The following ANXA6 variants were observed in gnomAD, a reference collection of about 807,000 sequenced individuals.
ANXA6 encodes the protein 67 kDa calelectrin.
A neutral mutation model predicts 95.4 loss-of-function variants in ANXA6; 71 were observed. The ratio of observed to expected loss-of-function variants is 0.74; its 90% CI spans 0.61 to 0.91. The LOEUF (loss-of-function observed/expected upper bound fraction) is 0.91, where lower values mean the gene tolerates loss of function less well. Among genes scored for constraint, ANXA6 ranks in the 40% least tolerant of loss-of-function variants. The pLI is 0.00. For missense variants in ANXA6, 830 were observed against 876.4 expected (o/e 0.95, Z 0.67); for synonymous variants, 289 against 315.9 (o/e 0.91, Z 0.90).
Position 151,132,564 on chromosome 5 carries a change from A to G in ANXA6, c.648T>C (p.Asp216=), listed in dbSNP as rs909489111. 3.1e-6 allele frequency: 5 copies of G among 1,612,728 alleles called. No homozygotes were observed. The highest frequency in any genetic ancestry group is 4.2e-6 in the Non-Finnish European group (5 of 1,179,476). ...RSKQHLRLVF[D]EYLKTTGKPI... ...GCTTCCCTGTGGTCTTCAGATACTC[A>G]TCGAACACTGCGTCAGACAGAGAGA... is the stretch of plus-strand genomic sequence containing the variant. The change falls in exon 10 of 26, where the codon GAT becomes GAC. Residue 216 remains aspartate (D), a synonymous_variant. Transcript: ENST00000354546.
At chr5:151,138,965 C>A in intron 4 of ANXA6, 174 bp from the exon 5 acceptor site, 1 of 622,818 alleles carries the variant, frequency 1.6e-6, no homozygotes, top group Non-Finnish European at 2.9e-6. Context: ...GGCTCAGAAA[C>A]AACAGAGGTC....
intron 1 of ANXA6, among the ~76,000 whole-genome samples, chr5:151,153,945 C>T (rs543746422): frequency 2.6e-5 from 4 of 152,222 alleles, no homozygotes; most frequent in Non-Finnish European, 2.9e-5. Context: ...TCCTGCACCC[C>T]CTCCCATAGG....
intron 20 of ANXA6, among the ~76,000 whole-genome samples, chr5:151,115,044 G>GA (rs1352214255): frequency 6.6e-6 from 1 of 152,216 alleles, no homozygotes; most frequent in Admixed American, 6.5e-5. Context: ...TCATGAATGT[G>GA]ATAAAAGAGT....
chr5:151,129,673 G>T, intron 11 of ANXA6, 144 bp from the exon 12 acceptor site: 1 of 916,302 alleles, frequency 1.1e-6, no homozygotes, highest in Non-Finnish European at 1.6e-6. Flanking sequence ...TCCCATTGAA[G>T]CTCTCTCTAT....
chr5:151,136,213 G>T (rs755570894), intron 7 of ANXA6, 43 bp downstream of exon 7: 1 of 1,596,168 alleles, frequency 6.3e-7, no homozygotes, highest in Non-Finnish European at 8.6e-7. Flanking sequence ...CCAGACAAAA[G>T]CTATCCCAAG....
At chr5:151,136,501 C>T (rs941803198) in intron 6 of ANXA6, among the ~76,000 whole-genome samples, 166 bp from the exon 7 acceptor site, 5 of 152,216 alleles carry the variant, frequency 3.3e-5, no homozygotes, top group African/African-American at 1.2e-4. Flanking sequence ...GCTCTTCGTA[C>T]TGACCATGAT....
At chr5:151,104,919 G>A (rs981807848) in intron 24 of ANXA6, among the ~76,000 whole-genome samples, 10 of 152,222 alleles carry the variant, frequency 6.6e-5, no homozygotes, top group Middle Eastern at 3.2e-3. Context: ...TCTTTGTTGC[G>A]CAAGCTTATC....
In ANXA6 at chr5:151,109,781, A is replaced by G; in HGVS notation, c.1656T>C (p.Cys552=). 6.2e-7 allele frequency: 1 copy of G among 1,611,614 alleles called. No individual in the cohort carries two copies. The highest frequency in any genetic ancestry group is 8.5e-7 in the Non-Finnish European group (1 of 1,178,838). The change falls in exon 22 of 26, where the codon TGT becomes TGC. Residue 552 remains cysteine (C), a synonymous_variant. Transcript: ENST00000354546. The part of the protein sequence containing the change: ...SLETRFMTIL[C]TRSYPHLRRV... Reference sequence around the variant, plus strand: ...TCCGGAGGTGCGGATAGCTCCGGGTACACAGGATCGTCATGAAACGTGTCT... The same window carrying G: ...TCCGGAGGTGCGGATAGCTCCGGGTGCACAGGATCGTCATGAAACGTGTCT...
intron 1 of ANXA6, among the ~76,000 whole-genome samples, chr5:151,156,734 G>A (rs949998035): frequency 6.6e-6 from 1 of 152,178 alleles, no homozygotes; most frequent in Non-Finnish European, 1.5e-5. Context: ...CTTTCCCCTT[G>A]TAGGGCCTAC....
chr5:151,152,214 T>C (rs1216700208), intron 1 of ANXA6, among the ~76,000 whole-genome samples: 2 of 152,188 alleles, frequency 1.3e-5, no homozygotes, highest in Non-Finnish European at 2.9e-5. Context: ...AAAATGCAGA[T>C]AGAAATACCT....
intron 20 of ANXA6, among the ~76,000 whole-genome samples, chr5:151,116,056 G>A (rs758481940): frequency 4.6e-5 from 7 of 152,162 alleles, no homozygotes; most frequent in Non-Finnish European, 7.3e-5. Context: ...TCTTGGCATC[G>A]TTCTCAATAT....
At chr5:151,106,200 C>T (rs1561564025) in intron 23 of ANXA6, among the ~76,000 whole-genome samples, 1 of 152,120 alleles carries the variant, frequency 6.6e-6, no homozygotes, top group Non-Finnish European at 1.5e-5. Flanking sequence ...ACCAACCCCG[C>T]CCTTTCTCAA....
chr5:151,136,832 T>C (rs553670907), intron 6 of ANXA6, among the ~76,000 whole-genome samples: 10 of 152,330 alleles, frequency 6.6e-5, no homozygotes, highest in African/African-American at 2.4e-4. Flanking sequence ...GTGACCTCTG[T>C]TGGAAGGATC....
chr5:151,131,398 C>G (rs1484472074), intron 10 of ANXA6, 109 bp from the exon 11 acceptor site: 3 of 1,116,988 alleles, frequency 2.7e-6, no homozygotes, highest in Admixed American at 1.7e-5. Flanking sequence ...TAGCTCAATA[C>G]AGGAAGAACC....
intron 25 of ANXA6, among the ~76,000 whole-genome samples, chr5:151,102,725 AAGTC>A (rs1764583769): frequency 6.6e-6 from 1 of 152,026 alleles, no homozygotes; most frequent in African/African-American, 2.4e-5. Context: ...AACAAACAAA[AAGTC>A]AGACACAAAG....
intron 15 of ANXA6, among the ~76,000 whole-genome samples, chr5:151,123,590 C>A (rs1765229836): frequency 6.6e-6 from 1 of 152,324 alleles, no homozygotes; most frequent in African/African-American, 2.4e-5. Flanking sequence ...TTACCTCTAG[C>A]ATCCTACAGT....
chr5:151,135,598 C>T (rs185732148), intron 7 of ANXA6, among the ~76,000 whole-genome samples: 1 of 152,308 alleles, frequency 6.6e-6, no homozygotes, highest in East Asian at 1.9e-4. Flanking sequence ...CACAGAGATA[C>T]CTACAGAGCC....
At chr5:151,119,605 C>T (rs572113186) in intron 17 of ANXA6, among the ~76,000 whole-genome samples, 1 of 152,302 alleles carries the variant, frequency 6.6e-6, no homozygotes, top group East Asian at 1.9e-4. Context: ...GCTTTGCCTT[C>T]CAGCCCCCCA....
intron 24 of ANXA6, among the ~76,000 whole-genome samples, chr5:151,104,846 C>G (rs999301234): frequency 5.3e-5 from 8 of 152,218 alleles, no homozygotes; most frequent in African/African-American, 1.9e-4. Flanking sequence ...GAGACTGTGT[C>G]CTACCCAGCC....
Sources: gnomAD v4.1 joint callset for allele counts (sites outside exome capture counted in the v4.1 genomes callset) on GRCh38, gnomAD v4.1.1 for gene constraint, MANE v1.5 for transcripts, NCBI Gene and HGNC (gene_info 2026-07-23, HGNC 2026-07-21) for gene names.